Variants in LARP1B observed in about 807,000 individuals in gnomAD.
The protein encoded by LARP1B is La ribonucleoprotein 1B, also known as la-related protein 1B.
LARP1B carries 76 observed loss-of-function variants against 114.2 expected under a neutral mutation model. The observed-to-expected ratio is 0.67, with a 90% CI of 0.55 to 0.81. LARP1B has a LOEUF of 0.81. LARP1B is among the 30% of genes least tolerant of loss of function. The pLI, the probability that LARP1B is intolerant of heterozygous loss-of-function variation, is 0.00. For missense variants in LARP1B, 1,014 were observed against 1,075.8 expected (o/e 0.94, Z 0.80); for synonymous variants, 345 against 348.0 (o/e 0.99, Z 0.10).
At chr4:128,096,357 A>G (rs960888813) in intron 7 of LARP1B, among the ~76,000 whole-genome samples, 2 of 152,146 alleles carry the variant, frequency 1.3e-5, no homozygotes, top group Non-Finnish European at 2.9e-5. Context: ...GTGGATAAAC[A>G]TGTATTTCTC....
chr4:128,168,110 A>C (rs1741919586), intron 12 of LARP1B, among the ~76,000 whole-genome samples: 1 of 152,034 alleles, frequency 6.6e-6, no homozygotes, highest in African/African-American at 2.4e-5. Flanking sequence ...ATATGTTTTC[A>C]TTTCACTTGG....
At chr4:128,198,061 T>A (rs1228894493) in intron 15 of LARP1B, among the ~76,000 whole-genome samples, 1 of 151,834 alleles carries the variant, frequency 6.6e-6, no homozygotes. Flanking sequence ...ATTTTTGTAT[T>A]TTTTATAGAG....
chr4:128,071,445 A>C (rs182274618), intron 1 of LARP1B, among the ~76,000 whole-genome samples: 328 of 135,238 alleles, frequency 2.4e-3, no homozygotes, highest in African/African-American at 8.6e-3. Flanking sequence ...TTTTTTTGAG[A>C]CAGTCTCACT....
chr4:128,164,508 C>T (rs1739859297), intron 12 of LARP1B, among the ~76,000 whole-genome samples: 1 of 151,824 alleles, frequency 6.6e-6, no homozygotes, highest in African/African-American at 2.4e-5. Flanking sequence ...TGAAAAATGG[C>T]AAACATGAAT....
intron 5 of LARP1B, among the ~76,000 whole-genome samples, chr4:128,083,194 GAA>G (rs1561110068): frequency 6.6e-6 from 1 of 152,176 alleles, no homozygotes; most frequent in African/African-American, 2.4e-5. Context: ...AGAACAAAAT[GAA>G]AAGTCTCCCA....
chr4:128,194,448 CG>C (rs1561543839), intron 15 of LARP1B, among the ~76,000 whole-genome samples: 1 of 149,594 alleles, frequency 6.7e-6, no homozygotes, highest in African/African-American at 2.4e-5. Context: ...TTTGGGAGGC[CG>C]AGGCGGGCGG....
chr4:128,061,934 C>T, intron 1 of LARP1B: 2 of 985,240 alleles, frequency 2.0e-6, no homozygotes, highest in Non-Finnish European at 2.4e-6. Flanking sequence ...GGCGGCTGTC[C>T]CCGTGAGGCC....
intron 12 of LARP1B, among the ~76,000 whole-genome samples, chr4:128,173,175 A>G (rs1744557012): frequency 6.6e-6 from 1 of 152,146 alleles, no homozygotes; most frequent in Non-Finnish European, 1.5e-5. Context: ...TCTGACCGCT[A>G]TAGTTCAGTG....
Position 128,162,195 on chromosome 4 carries a change from A to G in LARP1B, c.1526A>G (p.Gln509Arg), listed in dbSNP as rs1185842809. 1 of 1,611,876 alleles carries G rather than the reference A, an allele frequency of 6.2e-7. No homozygotes were observed. The highest frequency in any genetic ancestry group is 1.7e-5 in the Admixed American group (1 of 59,786). The change falls in exon 12 of 20, where the codon CAA becomes CGA. Residue 509 changes from glutamine to arginine, a missense_variant and splice_region_variant. Gln to Arg is a conservative substitution (Grantham distance 43, BLOSUM62 1). Transcript: ENST00000326639. ...EDENKHTAIK[Q>R]EVENFKKLNL... ...TTAGATTCCTCCATTCTACTTCAGC[A>G]AGAAGTTGAGAACTTTAAGAAGCTA...
At chr4:128,072,705 C>A (rs1015413840) in intron 1 of LARP1B, among the ~76,000 whole-genome samples, 3 of 151,942 alleles carry the variant, frequency 2.0e-5, no homozygotes, top group African/African-American at 7.3e-5. Flanking sequence ...TACAGGCATG[C>A]GCCACCACAC....
intron 11 of LARP1B, among the ~76,000 whole-genome samples, chr4:128,161,739 C>G (rs1048049896): frequency 6.6e-6 from 1 of 152,178 alleles, no homozygotes; most frequent in Non-Finnish European, 1.5e-5. Flanking sequence ...TCCCATCTCT[C>G]CTGTGATGGC....
intron 9 of LARP1B, among the ~76,000 whole-genome samples, chr4:128,112,271 A>G (rs966233912): frequency 1.3e-5 from 2 of 151,890 alleles, no homozygotes; most frequent in Admixed American, 6.6e-5. Context: ...TATTTTAAAT[A>G]GATATTTTAA....
At chr4:128,204,285 A>G (rs1254836308) in intron 17 of LARP1B, among the ~76,000 whole-genome samples, 1 of 152,158 alleles carries the variant, frequency 6.6e-6, no homozygotes, top group Non-Finnish European at 1.5e-5. Context: ...ATGGTTGGAA[A>G]GAATGAGTAA....
At chr4:128,137,772 T>C (rs968575652) in intron 11 of LARP1B, among the ~76,000 whole-genome samples, 1 of 129,984 alleles carries the variant, frequency 7.7e-6, no homozygotes, top group Non-Finnish European at 1.6e-5. Flanking sequence ...TGTGTATACA[T>C]ATATATATAT....
At chr4:128,202,375 C>G (rs1347572085) in intron 17 of LARP1B, among the ~76,000 whole-genome samples, 2 of 152,180 alleles carry the variant, frequency 1.3e-5, no homozygotes, top group Admixed American at 6.5e-5. Flanking sequence ...CCAGACTGCA[C>G]TGAGCATAGT....
At chr4:128,214,002 G>T (rs998226122), downstream of LARP1B, among the ~76,000 whole-genome samples, 4 of 151,520 alleles carry the variant, frequency 2.6e-5, no homozygotes, top group South Asian at 2.1e-4. Context: ...AAGCGCAAGG[G>T]GTCAGGGAGT....
intron 11 of LARP1B, among the ~76,000 whole-genome samples, chr4:128,160,528 GT>G (rs1345268818): frequency 6.6e-6 from 1 of 152,136 alleles, no homozygotes; most frequent in Non-Finnish European, 1.5e-5. Flanking sequence ...CTTCTTGTGT[GT>G]GTGTGTGTGT....
chr4:128,160,004 G>C (rs1737694959), intron 11 of LARP1B, among the ~76,000 whole-genome samples: 1 of 152,218 alleles, frequency 6.6e-6, no homozygotes, highest in Non-Finnish European at 1.5e-5. Context: ...AAAACTTGCA[G>C]TGTATTCATA....
intron 7 of LARP1B, among the ~76,000 whole-genome samples, chr4:128,097,238 A>G (rs1396998862): frequency 6.6e-6 from 1 of 152,116 alleles, no homozygotes; most frequent in Admixed American, 6.6e-5. Flanking sequence ...AGAAAGAAGC[A>G]TGGAGAACTT....
Sources: allele counts gnomAD v4.1 joint callset (sites outside exome capture counted in the v4.1 genomes callset), GRCh38; gene constraint gnomAD v4.1.1; transcripts MANE v1.5; gene names NCBI Gene and HGNC (gene_info 2026-07-23, HGNC 2026-07-21).